The following PPIG variants were observed in gnomAD, a reference collection of about 807,000 sequenced individuals.
PPIG encodes the protein peptidyl-prolyl cis-trans isomerase G.
A neutral mutation model predicts 87.9 loss-of-function variants in PPIG; 26 were observed. The ratio of observed to expected loss-of-function variants is 0.30; its 90% CI spans 0.22 to 0.41. The LOEUF (loss-of-function observed/expected upper bound fraction) is 0.41, where lower values mean the gene tolerates loss of function less well. PPIG is among the 10% of genes least tolerant of loss of function. The pLI is 1.00. For synonymous variants in PPIG, 308 were observed against 276.5 expected (o/e 1.11, Z -1.13); for missense variants, 722 against 879.4 (o/e 0.82, Z 2.26).
rs1198309285 is a variant in PPIG at position 169,639,053 on chromosome 2, T to C, written c.*1530T>C. 1 of 152,058 alleles carries C rather than the reference T, an allele frequency of 6.6e-6. No homozygotes were observed. The highest frequency in any genetic ancestry group is 2.4e-5 in the African/African-American group (1 of 41,454). The allele number at this position is 152,058 out of a possible 1,614,324, so 9.4% of individuals were successfully genotyped here. A position where few individuals can be genotyped will look rare whatever the true frequency, so the allele number is the denominator to read the frequency against. ...CATGATACTTCCCACTATTGATTAA[T>C]GCAATATTGATATATTTGGCGTTGT... On this transcript the variant is annotated 3_prime_UTR_variant, in exon 14 of 14. Transcript: ENST00000260970.
At position 169,637,479 on chromosome 2, in the gene PPIG, G is replaced by GCCCC. The variant is rs761313691; in HGVS notation, c.2221_2222insCCCC (p.Asp741AlafsTer4). 2.5e-6 allele frequency: 4 copies of GCCCC among 1,603,396 alleles called. No homozygotes were observed. The South Asian group carries it at 4.5e-5, about 18-fold the overall frequency. ...TGTACATGAAAAAAATAAAAAATTT[G>GCCCC]ATCATGAATCAAGCCCTGGAACAGA... On this transcript the variant is annotated frameshift_variant, in exon 14 of 14. Transcript: ENST00000260970. LOFTEE classifies it high-confidence loss of function.
chr2:169,593,072 A>G (rs1239458773), intron 1 of PPIG, among the ~76,000 whole-genome samples: 4 of 152,184 alleles, frequency 2.6e-5, no homozygotes, highest in Non-Finnish European at 4.4e-5. Context: ...GACTCTGAAT[A>G]CATCTTATAG....
chr2:169,619,114 A>G (rs1226808833), intron 9 of PPIG, among the ~76,000 whole-genome samples: 1 of 151,176 alleles, frequency 6.6e-6, no homozygotes, highest in Admixed American at 6.6e-5. Flanking sequence ...ACTTAAAATA[A>G]TTTCGTTATT....
intron 9 of PPIG, among the ~76,000 whole-genome samples, chr2:169,622,875 G>A (rs1685793611): frequency 6.6e-6 from 1 of 152,126 alleles, no homozygotes; most frequent in Non-Finnish European, 1.5e-5. Context: ...AAAAAGCATT[G>A]TAACACTGTG....
rs374384144 is a variant in PPIG at position 169,630,898 on chromosome 2, A to G, written c.672A>G (p.Glu224=). ...SDSSDSESAT[E]EKSKKRKKKH... ...CCTCTGATTCCGAAAGTGCTACTGAAGAGAAATCAAAGAAAAGAAAAAAGA... is the reference window on the plus strand; with the variant it reads ...CCTCTGATTCCGAAAGTGCTACTGAGGAGAAATCAAAGAAAAGAAAAAAGA... The change falls in exon 10 of 14, where the codon GAA becomes GAG. Residue 224 remains glutamate, a synonymous_variant. Coordinates refer to ENST00000260970, the MANE Select transcript of PPIG (RefSeq NM_004792.3). The G allele has an allele frequency of 4.4e-5, 71 of 1,608,020 alleles. 1 individual carries two copies. The African/African-American group carries it at 9.0e-4, about 20-fold the overall frequency.
intron 1 of PPIG, among the ~76,000 whole-genome samples, chr2:169,596,235 G>A (rs942978932): frequency 2.0e-5 from 3 of 151,946 alleles, no homozygotes; most frequent in Non-Finnish European, 2.9e-5. Flanking sequence ...CTCCCAGGTA[G>A]CTGGGATTAC....
At chr2:169,599,321 A>G (rs1235165259) in intron 1 of PPIG, among the ~76,000 whole-genome samples, 1 of 152,190 alleles carries the variant, frequency 6.6e-6, no homozygotes, top group Non-Finnish European at 1.5e-5. Flanking sequence ...AATTCTTACT[A>G]CTGTACAATT....
chr2:169,587,384 G>A lies in PPIG; in HGVS notation c.-70+2894G>A, dbSNP rs1032433070. Among the ~76,000 whole-genome samples, 12 of 152,030 alleles carry A rather than the reference G, an allele frequency of 7.9e-5. No individual in the cohort carries two copies. The South Asian group carries it at 2.5e-3, about 31-fold the overall frequency. ...AGCTTCCTGAGTAGCTGGGATTACA[G>A]GCATGTGCCACCACACCCAGCTGAT... On this transcript the variant is annotated intron_variant, in intron 1 of 13. Coordinates refer to ENST00000260970, the MANE Select transcript of PPIG (RefSeq NM_004792.3).
chr2:169,591,920 A>ATTTTTTTTTTTTTTTTTTTTTTTTTTTT (rs3067016), intron 1 of PPIG, among the ~76,000 whole-genome samples: 2 of 87,410 alleles, frequency 2.3e-5, no homozygotes, highest in African/African-American at 9.4e-5. Context: ...GCAATTCATG[A>ATTTTTTTTTTTTTTTTTTTTTTTTTTTT]TTTTTTTTTT....
At chr2:169,592,616 T>C (rs1684900568) in intron 1 of PPIG, among the ~76,000 whole-genome samples, 2 of 151,990 alleles carry the variant, frequency 1.3e-5, no homozygotes, top group South Asian at 4.2e-4. Flanking sequence ...GATTTCTTTT[T>C]TCTAATAGAG....
Position 169,639,495 on chromosome 2 carries a change from A to G in PPIG, c.*1972A>G, listed in dbSNP as rs901037522. The G allele has an allele frequency of 2.6e-5, 4 of 152,104 alleles. No homozygotes were observed. The highest frequency in any genetic ancestry group is 6.6e-5 in the Admixed American group (1 of 15,262). The allele number at this position is 152,104 out of a possible 1,614,324, so 9.4% of individuals were successfully genotyped here. ...GAGCTTTATCTACTAAAAATTATAC[A>G]TAAGGATTTCCAAATCTTAGAGTTT... On this transcript the variant is annotated 3_prime_UTR_variant, in exon 14 of 14. Transcript: ENST00000260970.
intron 10 of PPIG, 84 bp from the exon 11 acceptor site, chr2:169,631,682 A>T (rs1279550000): frequency 1.3e-6 from 2 of 1,593,348 alleles, no homozygotes; most frequent in Non-Finnish European, 8.5e-7. Context: ...AGTGATATAA[A>T]GGAAAGAAAT....
Position 169,637,453 on chromosome 2 carries a change from A to G in PPIG, c.2195A>G (p.His732Arg), listed in dbSNP as rs761799905. ...AAATCAAAAGGTCAAGAAAATGACC[A>G]TGTACATGAAAAAAATAAAAAATTT... ...NQKSKGQEND[H>R]VHEKNKKFDH... The change falls in exon 14 of 14, where the codon CAT becomes CGT. Residue 732 changes from histidine to arginine, a missense_variant. His to Arg is a conservative substitution (Grantham distance 29, BLOSUM62 0). Coordinates refer to ENST00000260970, the MANE Select transcript of PPIG (RefSeq NM_004792.3). The G allele has an allele frequency of 6.2e-7, 1 of 1,606,852 alleles. No individual in the cohort carries two copies.
intron 5 of PPIG, among the ~76,000 whole-genome samples, chr2:169,606,541 G>A (rs1384273053): frequency 7.7e-6 from 1 of 130,620 alleles, no homozygotes; most frequent in African/African-American, 2.9e-5. Flanking sequence ...GCGGTGAGCT[G>A]AGATTGTGCC....
intron 1 of PPIG, among the ~76,000 whole-genome samples, chr2:169,596,848 T>TG (rs1213499012): frequency 2.0e-5 from 3 of 152,222 alleles, no homozygotes; most frequent in South Asian, 2.1e-4. Flanking sequence ...ACTACAGGCA[T>TG]GCGCCATTAC....
intron 7 of PPIG, among the ~76,000 whole-genome samples, chr2:169,612,629 G>A (rs1486447127): frequency 2.0e-5 from 3 of 152,076 alleles, no homozygotes; most frequent in South Asian, 4.2e-4. Flanking sequence ...TGATCCACCC[G>A]CCTTGGCCTC....
At chr2:169,629,364 C>G (rs1685978493) in intron 9 of PPIG, among the ~76,000 whole-genome samples, 1 of 152,128 alleles carries the variant, frequency 6.6e-6, no homozygotes, top group African/African-American at 2.4e-5. Context: ...CATACACATT[C>G]CTAAATACTA....
chr2:169,615,036 GT>G (rs376354668), intron 9 of PPIG, among the ~76,000 whole-genome samples: 9 of 147,178 alleles, frequency 6.1e-5, no homozygotes, highest in African/African-American at 7.5e-5. Context: ...GTGGTTTTGG[GT>G]TTTTTTTTTG....
At chr2:169,588,829 G>A (rs892998356) in intron 1 of PPIG, among the ~76,000 whole-genome samples, 12 of 151,632 alleles carry the variant, frequency 7.9e-5, no homozygotes, top group African/African-American at 2.2e-4. Flanking sequence ...GCATGGTGGC[G>A]CATGCCTGTA....
Sources: gnomAD v4.1 joint callset for allele counts (sites outside exome capture counted in the v4.1 genomes callset) on GRCh38, gnomAD v4.1.1 for gene constraint, MANE v1.5 for transcripts, NCBI Gene and HGNC (gene_info 2026-07-23, HGNC 2026-07-21) for gene names.